The following FBXL13 variants were observed in gnomAD, a reference collection of about 807,000 sequenced individuals.
FBXL13 encodes F-box and leucine-rich repeat protein 13.
In FBXL13, 67 loss-of-function variants were observed where a neutral mutation model predicts 83.6. That is an observed-to-expected ratio of 0.80 (90% confidence interval 0.66 to 0.98). FBXL13 has a LOEUF of 0.98. Ranked by LOEUF, FBXL13 falls within the 50% of genes least tolerant of loss-of-function variation. The pLI, the probability that FBXL13 is intolerant of heterozygous loss-of-function variation, is 0.00. For synonymous variants in FBXL13, 272 were observed against 299.5 expected, an observed-to-expected ratio of 0.91 and a Z score of 0.95; for missense variants, 822 against 866.5, an observed-to-expected ratio of 0.95 and a Z score of 0.64.
At chr7:103,021,117 A>T (rs1225759983) in intron 6 of FBXL13, among the ~76,000 whole-genome samples, 10 of 152,244 alleles carry the variant, frequency 6.6e-5, no homozygotes, top group African/African-American at 2.4e-4. Context: ...ACAGCATGGT[A>T]CTGGTACCAA....
intron 16 of FBXL13, among the ~76,000 whole-genome samples, chr7:102,865,109 G>A (rs569932948): frequency 6.6e-6 from 1 of 152,352 alleles, no homozygotes; most frequent in East Asian, 1.9e-4. Flanking sequence ...TTGACAATGA[G>A]TAAATATTTG....
At chr7:102,897,570 G>A (rs1812411632) in intron 11 of FBXL13, among the ~76,000 whole-genome samples, 2 of 152,240 alleles carry the variant, frequency 1.3e-5, no homozygotes, top group East Asian at 3.9e-4. Context: ...GCCATGAACT[G>A]AGGAGTATAA....
intron 8 of FBXL13, among the ~76,000 whole-genome samples, chr7:102,947,020 A>AGGT (rs1401826045): frequency 6.6e-6 from 1 of 152,176 alleles, no homozygotes; most frequent in East Asian, 1.9e-4. Context: ...TCTGGGTCAG[A>AGGT]GGTGGGGACT....
At chr7:102,942,670 A>T (rs1821686800) in intron 8 of FBXL13, among the ~76,000 whole-genome samples, 1 of 152,218 alleles carries the variant, frequency 6.6e-6, no homozygotes, top group Non-Finnish European at 1.5e-5. Context: ...TCTTCAGAAC[A>T]CAAGGGCTGA....
intron 16 of FBXL13, among the ~76,000 whole-genome samples, chr7:102,858,697 A>C (rs892462828): frequency 6.6e-6 from 1 of 152,264 alleles, no homozygotes; most frequent in Non-Finnish European, 1.5e-5. Flanking sequence ...TATATGAACG[A>C]AACTTGAAAA....
intron 6 of FBXL13, among the ~76,000 whole-genome samples, chr7:102,979,995 A>G (rs1229103591): frequency 6.6e-6 from 1 of 152,192 alleles, no homozygotes; most frequent in Non-Finnish European, 1.5e-5. Context: ...TCAAATATCC[A>G]AAGAACAGAC....
At chr7:102,965,885 G>A (rs1825918705) in intron 7 of FBXL13, among the ~76,000 whole-genome samples, 1 of 152,096 alleles carries the variant, frequency 6.6e-6, no homozygotes, top group African/African-American at 2.4e-5. Context: ...CTGACTTCAC[G>A]ACCCCTCCTT....
exon 2 of FBXL13, chr7:103,055,723 T>C: frequency 1.6e-6 from 2 of 1,282,950 alleles, no homozygotes; most frequent in Non-Finnish European, 2.0e-6. Flanking sequence ...TCAGGACATG[T>C]AACAAGTATA....
intron 14 of FBXL13, among the ~76,000 whole-genome samples, chr7:102,882,004 T>C (rs906384302): frequency 6.6e-6 from 1 of 152,200 alleles, no homozygotes; most frequent in Non-Finnish European, 1.5e-5. Context: ...CTCATGCCTA[T>C]AATCCCAGCA....
chr7:102,967,443 T>G (rs1374114586), intron 7 of FBXL13, among the ~76,000 whole-genome samples: 1 of 152,174 alleles, frequency 6.6e-6, no homozygotes, highest in Non-Finnish European at 1.5e-5. Context: ...TAGCTAATTT[T>G]TGTATTTTTA....
intron 6 of FBXL13, among the ~76,000 whole-genome samples, chr7:103,007,856 G>C (rs1050832357): frequency 6.6e-6 from 1 of 152,166 alleles, no homozygotes. Flanking sequence ...ATCAGAACAA[G>C]TGTGGAAAGG....
At chr7:102,895,368 A>G (rs367825156) in intron 11 of FBXL13, among the ~76,000 whole-genome samples, 7 of 152,166 alleles carry the variant, frequency 4.6e-5, no homozygotes, top group African/African-American at 1.7e-4. Flanking sequence ...AGAACAGGGG[A>G]GGCACCGAAG....
intron 18 of FBXL13, chr7:102,822,440 TC>T: frequency 3.1e-6 from 2 of 639,032 alleles, no homozygotes; most frequent in East Asian, 6.4e-5. Context: ...ATTCTTGCTA[TC>T]TTCTCACATG....
intron 17 of FBXL13, among the ~76,000 whole-genome samples, chr7:102,852,987 C>G (rs936245084): frequency 6.6e-6 from 1 of 152,100 alleles, no homozygotes; most frequent in Admixed American, 6.6e-5. Flanking sequence ...GTATGGAATA[C>G]TATTCAGCCA....
At chr7:102,891,046 T>C (rs1019582619) in intron 11 of FBXL13, among the ~76,000 whole-genome samples, 2 of 152,228 alleles carry the variant, frequency 1.3e-5, no homozygotes, top group Non-Finnish European at 2.9e-5. Flanking sequence ...TCAAAACTAT[T>C]ATGGAACATT....
chr7:103,027,076 C>A (rs545336395), intron 5 of FBXL13, among the ~76,000 whole-genome samples: 4 of 152,032 alleles, frequency 2.6e-5, no homozygotes, highest in Non-Finnish European at 5.9e-5. Context: ...GGCAGATCAC[C>A]TGAGGTCACG....
intron 2 of FBXL13, among the ~76,000 whole-genome samples, chr7:103,045,772 A>T (rs998305942): frequency 2.6e-5 from 4 of 152,262 alleles, no homozygotes; most frequent in Non-Finnish European, 5.9e-5. Context: ...TGTTTAAAAA[A>T]GATTCCCCCC....
At chr7:102,893,754 CAA>C (rs1156315637) in intron 11 of FBXL13, among the ~76,000 whole-genome samples, 1 of 108,938 alleles carries the variant, frequency 9.2e-6, no homozygotes, top group Non-Finnish European at 1.7e-5. Flanking sequence ...GGTGACAGAG[CAA>C]GACTCTGTCT....
chr7:103,067,261 T>C (rs1469431916), intron 1 of FBXL13, among the ~76,000 whole-genome samples: 3 of 152,158 alleles, frequency 2.0e-5, no homozygotes, highest in African/African-American at 4.8e-5. Flanking sequence ...TATTTGAGTT[T>C]TACCAGGGAT....
Sources: allele counts gnomAD v4.1 joint callset (sites outside exome capture counted in the v4.1 genomes callset), GRCh38; gene constraint gnomAD v4.1.1; transcripts MANE v1.5; gene names NCBI Gene and HGNC (gene_info 2026-07-23, HGNC 2026-07-21).